The following CNTN5 variants were observed in gnomAD, a reference collection of about 807,000 sequenced individuals.
CNTN5 encodes contactin-5.
In CNTN5, 77 loss-of-function variants were observed where a neutral mutation model predicts 129.1. The observed-to-expected ratio is 0.60, with a 90% CI of 0.50 to 0.72. The LOEUF (loss-of-function observed/expected upper bound fraction) is 0.72. Among genes scored for constraint, CNTN5 ranks in the 30% least tolerant of loss-of-function variants. The pLI, the probability that CNTN5 is intolerant of heterozygous loss-of-function variation, is 0.00. For synonymous variants in CNTN5, 509 were observed against 465.6 expected, an observed-to-expected ratio of 1.09 and a Z score of -1.20; for missense variants, 1,478 against 1,328.8, an observed-to-expected ratio of 1.11 and a Z score of -1.75.
At chr11:99,676,316 A>G (rs1246482744) in intron 3 of CNTN5, among the ~76,000 whole-genome samples, 1 of 152,216 alleles carries the variant, frequency 6.6e-6, no homozygotes, top group Non-Finnish European at 1.5e-5. Flanking sequence ...AGACTACAAC[A>G]TAAAAACGAA....
At chr11:99,281,701 A>G (rs1296541602) in intron 1 of CNTN5, among the ~76,000 whole-genome samples, 1 of 152,046 alleles carries the variant, frequency 6.6e-6, no homozygotes, top group Non-Finnish European at 1.5e-5. Flanking sequence ...TTCAATATAT[A>G]ATCATATTTT....
chr11:99,764,911 T>C (rs1944701883), intron 3 of CNTN5, among the ~76,000 whole-genome samples: 1 of 152,120 alleles, frequency 6.6e-6, no homozygotes, highest in South Asian at 2.1e-4. Context: ...TATTCATTAA[T>C]GTACTGCTCC....
intron 1 of CNTN5, among the ~76,000 whole-genome samples, chr11:99,198,942 G>T (rs1426969765): frequency 6.6e-6 from 1 of 152,106 alleles, no homozygotes; most frequent in Non-Finnish European, 1.5e-5. Flanking sequence ...GATAGTATTT[G>T]TGCGTAATAA....
rs1807921392 is a variant in CNTN5 at position 100,209,410 on chromosome 11, AG to A, written c.1885-15281del. ...GAATGGATCCTTTTTTACTGAATTA[AG>A]TTCAGCCAGACAAAGCACTTAATCT... On this transcript the variant is annotated intron_variant, in intron 15 of 24. Transcript: ENST00000524871. Among the ~76,000 whole-genome samples, 17 of 152,188 alleles carry A rather than the reference AG, an allele frequency of 1.1e-4. No individual in the cohort carries two copies. In the South Asian group the frequency reaches 3.5e-3, roughly 32 times the overall value.
At chr11:99,076,034 C>T (rs1365596896) in intron 1 of CNTN5, among the ~76,000 whole-genome samples, 3 of 152,086 alleles carry the variant, frequency 2.0e-5, no homozygotes, top group South Asian at 2.1e-4. Context: ...TATTCCAATA[C>T]GAACTACTTT....
intron 1 of CNTN5, among the ~76,000 whole-genome samples, chr11:99,223,669 A>G (rs7940419): frequency 6.6e-6 from 1 of 151,928 alleles, no homozygotes; most frequent in Non-Finnish European, 1.5e-5. Context: ...CTCTAATTAC[A>G]TAGAAGTCCC....
At chr11:100,159,864 C>T (rs1376174921) in intron 13 of CNTN5, among the ~76,000 whole-genome samples, 1 of 151,834 alleles carries the variant, frequency 6.6e-6, no homozygotes, top group African/African-American at 2.4e-5. Flanking sequence ...CCATGGGCCA[C>T]TATTTCTTCA....
chr11:99,575,381 G>GGTAAA (rs1949311760), intron 3 of CNTN5, among the ~76,000 whole-genome samples: 5 of 152,208 alleles, frequency 3.3e-5, no homozygotes. Flanking sequence ...TCTTTACCTC[G>GGTAAA]GAATAGGTAC....
intron 3 of CNTN5, among the ~76,000 whole-genome samples, chr11:99,629,067 TACTC>T (rs902328970): frequency 6.6e-6 from 1 of 151,984 alleles, no homozygotes; most frequent in African/African-American, 2.4e-5. Flanking sequence ...CCTTACTAAA[TACTC>T]ACAGAAAAAA....
At chr11:100,283,932 C>A (rs148574648) in intron 18 of CNTN5, among the ~76,000 whole-genome samples, 5 of 151,966 alleles carry the variant, frequency 3.3e-5, no homozygotes, top group Admixed American at 6.6e-5. Flanking sequence ...GGTGACATAG[C>A]GAGACTCTGT....
intron 3 of CNTN5, among the ~76,000 whole-genome samples, chr11:99,650,243 A>C (rs553023475): frequency 1.3e-5 from 2 of 152,054 alleles, no homozygotes; most frequent in East Asian, 3.9e-4. Flanking sequence ...ATAACTATCA[A>C]GTAGGCTACT....
intron 8 of CNTN5, among the ~76,000 whole-genome samples, chr11:99,995,590 C>A (rs1391457504): frequency 2.0e-5 from 3 of 152,032 alleles, no homozygotes; most frequent in Admixed American, 6.6e-5. Flanking sequence ...CTTCTTCTTT[C>A]CTCTCATTCC....
chr11:99,843,446 G>A, intron 4 of CNTN5, among the ~76,000 whole-genome samples: 1 of 151,858 alleles, frequency 6.6e-6, no homozygotes, highest in Non-Finnish European at 1.5e-5. Context: ...TCTTTTCCCA[G>A]AATTTTTTTT....
intron 2 of CNTN5, among the ~76,000 whole-genome samples, chr11:99,423,334 C>T (rs899309707): frequency 2.6e-5 from 4 of 152,128 alleles, no homozygotes; most frequent in Admixed American, 2.0e-4. Flanking sequence ...CTTCCACCCT[C>T]GAGCAGAAAC....
At chr11:99,350,308 C>A (rs74430117) in intron 2 of CNTN5, among the ~76,000 whole-genome samples, 1 of 152,072 alleles carries the variant, frequency 6.6e-6, no homozygotes, top group South Asian at 2.1e-4. Flanking sequence ...AATGAAAACA[C>A]CAAATCCTGG....
chr11:99,128,744 C>G (rs538772382), intron 1 of CNTN5, among the ~76,000 whole-genome samples: 3 of 152,298 alleles, frequency 2.0e-5, no homozygotes, highest in Non-Finnish European at 2.9e-5. Context: ...CGGTGCCCCT[C>G]TGGGATGAAG....
intron 6 of CNTN5, among the ~76,000 whole-genome samples, chr11:99,867,193 A>G (rs1948379639): frequency 6.6e-6 from 1 of 152,192 alleles, no homozygotes; most frequent in Non-Finnish European, 1.5e-5. Flanking sequence ...ACTGTTGTCC[A>G]GATTTAAGAC....
chr11:99,970,744 A>G (rs553090845), intron 8 of CNTN5, among the ~76,000 whole-genome samples: 1 of 152,286 alleles, frequency 6.6e-6, no homozygotes, highest in South Asian at 2.1e-4. Context: ...AGTTTTTGTC[A>G]TTGCTGTTGT....
At chr11:100,203,641 C>T (rs752611200) in intron 15 of CNTN5, among the ~76,000 whole-genome samples, 11 of 151,822 alleles carry the variant, frequency 7.2e-5, no homozygotes, top group Non-Finnish European at 1.6e-4. Context: ...GATTCCTTTT[C>T]TCCATTCCTG....
Sources: gnomAD v4.1 joint callset for allele counts (sites outside exome capture counted in the v4.1 genomes callset) on GRCh38, gnomAD v4.1.1 for gene constraint, MANE v1.5 for transcripts, NCBI Gene and HGNC (gene_info 2026-07-23, HGNC 2026-07-21) for gene names.